Variants in ZNF777 observed in about 807,000 individuals in gnomAD.
The protein encoded by ZNF777 is zinc finger protein 777.
In ZNF777, 7 loss-of-function variants were observed where a neutral mutation model predicts 72.1. The ratio of observed to expected loss-of-function variants is 0.10; its 90% CI spans 0.06 to 0.18. ZNF777 has a LOEUF of 0.18. ZNF777 is among the 10% of genes least tolerant of loss of function. The pLI is 1.00. For missense variants in ZNF777, 828 were observed against 1,128.6 expected (o/e 0.73, Z 3.82); for synonymous variants, 545 against 483.5 (o/e 1.13, Z -1.67).
Position 149,455,567 on chromosome 7 carries a change from G to A in ZNF777, c.456C>T (p.Asp152=), listed in dbSNP as rs376609716. 6.2e-7 allele frequency: 1 copy of A among 1,613,638 alleles called. No homozygotes were observed. The highest frequency in any genetic ancestry group is 1.7e-5 in the Admixed American group (1 of 59,954). The part of the protein sequence containing the change: ...LSPTVPETDM[D]PLLQSPVSQK... ...GGGAAACCGGGCTCTGGAGCAGCGG[G>A]TCCATGTCAGTCTCGGGAACTGTTG... Residue 152 remains aspartate (D), a synonymous_variant, in exon 2 of 6, where the codon GAC becomes GAT. Transcript: ENST00000247930. The surrounding 1 kb of genome is among the most constrained non-coding windows in gnomAD (Gnocchi z 4.2).
In ZNF777 at chr7:149,460,455, G is replaced by A. The variant is rs1799927835; in HGVS notation, c.-16+360C>T. Among the ~76,000 whole-genome samples the A allele has an allele frequency of 6.8e-6, 1 of 147,310 alleles. No individual in the cohort carries two copies. The highest frequency in any genetic ancestry group is 6.7e-5 in the Admixed American group (1 of 14,848). ...GCCCCGGCCCTCAACGGCGGCCCCC[G>A]GCCCGCGCGCCGCCCCTCTGCGGCC... is the stretch of plus-strand genomic sequence containing the variant. On this transcript the variant is annotated intron_variant, in intron 1 of 5. Coordinates refer to ENST00000247930, the MANE Select transcript of ZNF777 (RefSeq NM_015694.3). The surrounding 1 kb of genome is among the most constrained non-coding windows in gnomAD (Gnocchi z 6.1).
intron 3 of ZNF777, 50 bp from the exon 4 acceptor site, chr7:149,451,162 G>T (rs759056904): frequency 3.9e-6 from 6 of 1,525,422 alleles, no homozygotes; most frequent in Non-Finnish European, 5.4e-6. Context: ...GGTTGCACTG[G>T]ATGTTGTTAA....
intron 4 of ZNF777, 103 bp downstream of exon 4, chr7:149,450,894 CAT>C: frequency 2.0e-6 from 2 of 1,009,916 alleles, no homozygotes; most frequent in Non-Finnish European, 1.4e-6. Flanking sequence ...TTCCTGCTAA[CAT>C]ATCCTGGCAG....
chr7:149,434,708 G>A (rs963982859), intron 5 of ZNF777, among the ~76,000 whole-genome samples: 3 of 151,900 alleles, frequency 2.0e-5, no homozygotes, highest in South Asian at 2.1e-4. Flanking sequence ...TCAGCCTCCC[G>A]AGTAGCTGGG....
chr7:149,431,824 G>A lies in ZNF777; in HGVS notation c.2448C>T (p.Arg816=), dbSNP rs1307547718. The A allele has an allele frequency of 2.5e-6, 4 of 1,602,792 alleles. No homozygotes were observed. The Admixed American group carries it at 5.0e-5, about 20-fold the overall frequency. ...GGTGGTACTTGAGCGACTGCTTGTA[G>A]CGGAAGCACTTGGCGCAGTGCGTGC... ...YPCTHCAKCF[R]YKQSLKYHLR... is the part of the protein sequence containing the mutation. Residue 816 remains arginine (R), a synonymous_variant, in exon 6 of 6, where the codon CGC becomes CGT. Transcript: ENST00000247930.
rs139273896 is a variant in ZNF777 at position 149,460,641 on chromosome 7, G to A, written c.-16+174C>T. ...GCCGTTTAAAGAGAAACACTCCGAG[G>A]CTCGTCGGAGGCTGCCGGAACCCAG... On this transcript the variant is annotated intron_variant, in intron 1 of 5. Transcript: ENST00000247930. The surrounding 1 kb of genome is among the most constrained non-coding windows in gnomAD (Gnocchi z 6.1). Among the ~76,000 whole-genome samples, 1 of 152,234 alleles carries A rather than the reference G, an allele frequency of 6.6e-6. No individual in the cohort carries two copies. The highest frequency in any genetic ancestry group is 1.5e-5 in the Non-Finnish European group (1 of 67,986).
chr7:149,436,263 T>A lies in ZNF777; in HGVS notation c.1339+312A>T, dbSNP rs560414155. Reference sequence around the variant, plus strand: ...GTTGGGAGAGTTCTAGCTTTGCCACTCTCTGTGTGGCCTTGCCCCATCTAT... The same window carrying A: ...GTTGGGAGAGTTCTAGCTTTGCCACACTCTGTGTGGCCTTGCCCCATCTAT... On this transcript the variant is annotated intron_variant, in intron 5 of 5. Transcript: ENST00000247930. This position sits in a 1 kb window ranked among gnomAD's most constrained non-coding sequence, Gnocchi z 5.0. Among the ~76,000 whole-genome samples the A allele has an allele frequency of 8.5e-4, 129 of 152,256 alleles. 1 individual carries two copies. Among genetic ancestry groups the A allele is most frequent in the African/African-American group, 3.1e-3 (127 of 41,562 alleles).
chr7:149,457,514 A>G (rs569295927), intron 1 of ZNF777, among the ~76,000 whole-genome samples: 1 of 152,354 alleles, frequency 6.6e-6, no homozygotes, highest in East Asian at 1.9e-4. Flanking sequence ...TTATTAGGAT[A>G]AACAATGACG....
chr7:149,450,093 C>T (rs997274485), intron 4 of ZNF777, among the ~76,000 whole-genome samples: 1 of 152,204 alleles, frequency 6.6e-6, no homozygotes, highest in African/African-American at 2.4e-5. Flanking sequence ...CAGACATGAT[C>T]GCCAGTAACT....
chr7:149,449,151 G>A (rs1416409601), intron 4 of ZNF777, among the ~76,000 whole-genome samples: 1 of 152,166 alleles, frequency 6.6e-6, no homozygotes, highest in East Asian at 1.9e-4. Context: ...GCGAGGCCGG[G>A]GCCTTTGGTT....
In ZNF777 at chr7:149,432,580, G is replaced by A. The variant is rs749566150; in HGVS notation, c.1692C>T (p.His564=). 29 of 1,613,650 alleles carry A rather than the reference G, an allele frequency of 1.8e-5. No individual in the cohort carries two copies. The highest frequency in any genetic ancestry group is 4.0e-5 in the African/African-American group (3 of 74,870). The change falls in exon 6 of 6, where the codon CAC becomes CAT. Residue 564 remains histidine (H), a synonymous_variant. Coordinates refer to ENST00000247930, the MANE Select transcript of ZNF777 (RefSeq NM_015694.3). The stretch of plus-strand genomic sequence containing the variant: ...GCCCCTCCTTGATGTGGTTGCGCTG[G>A]TGGATGATGAGGTTGATCTTCAGGC... The part of the protein sequence containing the change: ...SFRLKINLII[H]QRNHIKEGPY...
chr7:149,448,403 G>A (rs1799642637), intron 4 of ZNF777, among the ~76,000 whole-genome samples: 1 of 149,992 alleles, frequency 6.7e-6, no homozygotes, highest in African/African-American at 2.5e-5. Flanking sequence ...CAGGAGGTGG[G>A]AGGTTGCAGT....
In ZNF777 at chr7:149,436,829, G is replaced by C. The variant is rs758661592; in HGVS notation, c.1088-3C>G. 6.2e-7 allele frequency: 1 copy of C among 1,603,566 alleles called. No homozygotes were observed. Among genetic ancestry groups the C allele is most frequent in the Non-Finnish European group, 8.5e-7 (1 of 1,171,172 alleles). ...CTTAATCACGATCCCATCGTGCGCT[G>C]AGAGAGGGTGGGCAGGGGTGAGGAG... On this transcript the variant is annotated splice_polypyrimidine_tract_variant and splice_region_variant and intron_variant, in intron 4 of 5. Coordinates refer to ENST00000247930, the MANE Select transcript of ZNF777 (RefSeq NM_015694.3). This position sits in a 1 kb window ranked among gnomAD's most constrained non-coding sequence, Gnocchi z 5.0.
chr7:149,454,879 G>C (rs1231471525), intron 2 of ZNF777, among the ~76,000 whole-genome samples: 4 of 152,152 alleles, frequency 2.6e-5, no homozygotes, highest in Non-Finnish European at 5.9e-5. Flanking sequence ...AGTGACTGAT[G>C]GTAAAGCCTC....
At chr7:149,450,708 C>T (rs79259992) in intron 4 of ZNF777, among the ~76,000 whole-genome samples, 1 of 152,216 alleles carries the variant, frequency 6.6e-6, no homozygotes, top group Non-Finnish European at 1.5e-5. Context: ...GACTGCTTGA[C>T]AAGGGACTGC....
chr7:149,460,022 C>A lies in ZNF777; in HGVS notation c.-16+793G>T, dbSNP rs1317072567. ...CCGCGCCAACGTCGTAGCGTTTCTG[C>A]CCCTTACCGAGATCCCAGGCCGGGC... On this transcript the variant is annotated intron_variant, in intron 1 of 5. Coordinates refer to ENST00000247930, the MANE Select transcript of ZNF777 (RefSeq NM_015694.3). The surrounding 1 kb of genome is among the most constrained non-coding windows in gnomAD (Gnocchi z 6.1). The A allele has an allele frequency of 2.0e-6, 2 of 979,218 alleles. No individual in the cohort carries two copies. Among genetic ancestry groups the A allele is most frequent in the African/African-American group, 1.8e-5 (1 of 56,644 alleles). The allele number at this position is 979,218 out of a possible 1,614,324, so 60.7% of individuals were successfully genotyped here. A position where few individuals can be genotyped will look rare whatever the true frequency, so the allele number is the denominator to read the frequency against.
chr7:149,454,309 G>A, intron 2 of ZNF777, 72 bp from the exon 3 acceptor site: 1 of 1,595,106 alleles, frequency 6.3e-7, no homozygotes, highest in South Asian at 1.1e-5. Context: ...CCAATCCCAA[G>A]GCCCAAACTC....
rs1043351819 is a variant in ZNF777, at chr7:149,460,130, G to C, written c.-16+685C>G. ...CGCGCGGGCCGCCCTCACAGGAGCCGGGGCCGCCTCGGCCATGGCCCTGCG... is the reference window on the plus strand; with the variant it reads ...CGCGCGGGCCGCCCTCACAGGAGCCCGGGCCGCCTCGGCCATGGCCCTGCG... On this transcript the variant is annotated intron_variant, in intron 1 of 5. Coordinates refer to ENST00000247930, the MANE Select transcript of ZNF777 (RefSeq NM_015694.3). The surrounding 1 kb of genome is among the most constrained non-coding windows in gnomAD (Gnocchi z 6.1). 3.1e-6 allele frequency: 3 copies of C among 980,714 alleles called. No homozygotes were observed. In the African/African-American group the frequency reaches 5.3e-5, roughly 17 times the overall value. The allele number at this position is 980,714 out of a possible 1,614,324, so 60.8% of individuals were successfully genotyped here. A position where few individuals can be genotyped will look rare whatever the true frequency, so the allele number is the denominator to read the frequency against.
intron 3 of ZNF777, among the ~76,000 whole-genome samples, chr7:149,453,601 C>G (rs561712732): frequency 2.6e-5 from 4 of 152,294 alleles, no homozygotes; most frequent in Admixed American, 2.6e-4. Context: ...CTGATCACAG[C>G]CTCAGTGTTC....
Sources: allele counts gnomAD v4.1 joint callset (sites outside exome capture counted in the v4.1 genomes callset), GRCh38; gene constraint gnomAD v4.1.1; non-coding constraint Gnocchi (gnomAD v3.1); transcripts MANE v1.5; gene names NCBI Gene and HGNC (gene_info 2026-07-23, HGNC 2026-07-21).